Variants in MALT1 observed in about 807,000 individuals in gnomAD.
MALT1 encodes the protein MALT1 paracaspase.
In MALT1, 36 loss-of-function variants were observed where a neutral mutation model predicts 85.5. The ratio of observed to expected loss-of-function variants is 0.42; its 90% confidence interval spans 0.32 to 0.56. The LOEUF (loss-of-function observed/expected upper bound fraction) is 0.56. Among genes scored for constraint, MALT1 ranks in the 20% least tolerant of loss-of-function variants. The probability of loss-of-function intolerance (pLI) is 0.10; values close to 1 mark genes in which losing one functional copy is unlikely to be tolerated. For synonymous variants in MALT1, 359 were observed against 361.3 expected (o/e 0.99, Z 0.07); for missense variants, 716 against 981.6 (o/e 0.73, Z 3.62).
intron 2 of MALT1, among the ~76,000 whole-genome samples, chr18:58,689,008 C>T (rs1260050600): frequency 3.3e-5 from 5 of 151,924 alleles, no homozygotes; most frequent in African/African-American, 7.3e-5. Context: ...AAAAATTAGC[C>T]GGGTATGGTG....
chr18:58,696,892 G>A (rs796137640), intron 3 of MALT1, among the ~76,000 whole-genome samples: 24 of 152,320 alleles, frequency 1.6e-4, no homozygotes, highest in Non-Finnish European at 3.2e-4. Flanking sequence ...CCACATCACT[G>A]TTTTATCTGT....
intron 2 of MALT1, among the ~76,000 whole-genome samples, chr18:58,696,102 G>A (rs2144350820): frequency 6.6e-6 from 1 of 152,172 alleles, no homozygotes; most frequent in Middle Eastern, 3.4e-3. Context: ...GAAGAAATAT[G>A]GTAAATAATT....
At chr18:58,737,208 A>G (rs1006363735) in intron 13 of MALT1, among the ~76,000 whole-genome samples, 1 of 152,062 alleles carries the variant, frequency 6.6e-6, no homozygotes, top group Non-Finnish European at 1.5e-5. Flanking sequence ...GGCCAGGTAC[A>G]GTGGCTCATG....
chr18:58,739,992 T>C (rs558432423), intron 13 of MALT1, among the ~76,000 whole-genome samples: 2 of 152,352 alleles, frequency 1.3e-5, no homozygotes, highest in East Asian at 3.9e-4. Flanking sequence ...CTGGGATTGG[T>C]ATTTTTTTGG....
chr18:58,725,437 A>C (rs556971499), intron 10 of MALT1, among the ~76,000 whole-genome samples: 2 of 152,316 alleles, frequency 1.3e-5, no homozygotes, highest in African/African-American at 4.8e-5. Context: ...GAAAAAAAAA[A>C]TCTGAAACAC....
At chr18:58,707,248 T>C (rs2054764714) in intron 4 of MALT1, among the ~76,000 whole-genome samples, 1 of 152,106 alleles carries the variant, frequency 6.6e-6, no homozygotes, top group Non-Finnish European at 1.5e-5. Flanking sequence ...CCATCTTCTG[T>C]GCAAGTTGAT....
rs1450893596 is a variant in MALT1, at chr18:58,750,262, C to A, written c.*2420C>A. ...CCAACACGTTTAAAGAAATTAAGAT[C>A]CAGATAAATGGAAAGACATCCATGT... On this transcript the variant is annotated 3_prime_UTR_variant, in exon 17 of 17. Coordinates refer to ENST00000649217, the MANE Select transcript of MALT1 (RefSeq NM_006785.4). 6.1e-6 allele frequency: 1 copy of A among 165,196 alleles called. No individual in the cohort carries two copies. The highest frequency in any genetic ancestry group is 1.3e-5 in the Non-Finnish European group (1 of 75,550). 10.2% of individuals were successfully genotyped at this position (165,196 alleles called of 1,614,324 possible).
chr18:58,745,703 C>T lies in MALT1; in HGVS notation c.1949C>T (p.Thr650Ile), dbSNP rs899990095. Reference sequence around the variant, plus strand: ...GATCCAAAAGATGCAAATAAAGGCACACCTGAAGAAACTGGCAGCTACTTG... The same window carrying T: ...GATCCAAAAGATGCAAATAAAGGCATACCTGAAGAAACTGGCAGCTACTTG... ...DIDPKDANKG[T>I]PEETGSYLVS... The change falls in exon 16 of 17, where the codon ACA becomes ATA. Residue 650 changes from threonine (T) to isoleucine (I), a missense_variant. Physicochemically the swap from Thr to Ile is moderately conservative, Grantham distance 89 (BLOSUM62 -1). Around this residue, in one of 4 missense-constraint regions of MALT1, gnomAD observed 260 missense variants for 323.7 expected, o/e 0.80. Coordinates refer to ENST00000649217, the MANE Select transcript of MALT1 (RefSeq NM_006785.4). The T allele has an allele frequency of 6.2e-7, 1 of 1,613,364 alleles. No individual in the cohort carries two copies. The highest frequency in any genetic ancestry group is 8.5e-7 in the Non-Finnish European group (1 of 1,179,518).
intron 4 of MALT1, among the ~76,000 whole-genome samples, chr18:58,708,493 C>T (rs1004105094): frequency 7.2e-5 from 11 of 152,200 alleles, no homozygotes; most frequent in African/African-American, 1.7e-4. Flanking sequence ...AAACATTCAG[C>T]TGGCTTACCC....
chr18:58,672,017 C>T (rs1052066663), intron 1 of MALT1, 165 bp downstream of exon 1: 1 of 422,096 alleles, frequency 2.4e-6, no homozygotes, highest in Admixed American at 4.7e-5. Context: ...AACTCAGCAG[C>T]TCCCCGGAAC....
At chr18:58,695,102 G>A (rs371010490) in intron 2 of MALT1, among the ~76,000 whole-genome samples, 23 of 152,270 alleles carry the variant, frequency 1.5e-4, no homozygotes, top group South Asian at 4.2e-4. Context: ...CCTTCTTCTC[G>A]TTTGTCTGCC....
intron 1 of MALT1, among the ~76,000 whole-genome samples, chr18:58,674,715 T>C (rs1219903573): frequency 1.3e-5 from 2 of 152,174 alleles, no homozygotes; most frequent in Admixed American, 1.3e-4. Flanking sequence ...AAAGGTATTT[T>C]TTCTCTGGTG....
At position 58,674,463 on chromosome 18, in the gene MALT1, A is replaced by G. The variant is rs541685211; in HGVS notation, c.209+2611A>G. On this transcript the variant is annotated intron_variant, in intron 1 of 16. Transcript: ENST00000649217. ...AGTTTCACCTGTCTTTCAAGATGGT[A>G]AAGATTAGTTTTGAGGAGGTTGGCT... Among the ~76,000 whole-genome samples, 8 of 152,244 alleles carry G rather than the reference A, an allele frequency of 5.3e-5. No homozygotes were observed. In the South Asian group the frequency reaches 1.2e-3, roughly 24 times the overall value.
intron 10 of MALT1, among the ~76,000 whole-genome samples, chr18:58,725,862 A>T (rs542076260): frequency 6.6e-6 from 1 of 152,270 alleles, no homozygotes; most frequent in African/African-American, 2.4e-5. Flanking sequence ...GGAGTTCGAG[A>T]CCAGCCTGGC....
At chr18:58,743,902 A>G (rs1449655692) in intron 14 of MALT1, among the ~76,000 whole-genome samples, 1 of 152,158 alleles carries the variant, frequency 6.6e-6, no homozygotes, top group East Asian at 1.9e-4. Flanking sequence ...TATCTATCTT[A>G]AAGCATTACG....
intron 2 of MALT1, among the ~76,000 whole-genome samples, chr18:58,683,856 T>A (rs759999920): frequency 2.0e-5 from 3 of 152,214 alleles, no homozygotes; most frequent in Non-Finnish European, 4.4e-5. Context: ...GAAAGCAGTT[T>A]ATTTTTTTCT....
At chr18:58,680,695 A>G (rs896280619) in intron 1 of MALT1, among the ~76,000 whole-genome samples, 13 of 152,210 alleles carry the variant, frequency 8.5e-5, no homozygotes, top group African/African-American at 3.1e-4. Flanking sequence ...AGGCCGAGGC[A>G]GGTGGATCAT....
intron 10 of MALT1, among the ~76,000 whole-genome samples, chr18:58,727,616 G>GTGTTTTTTTTTTTT (rs2055077198): frequency 5.8e-5 from 7 of 121,262 alleles, no homozygotes; most frequent in African/African-American, 2.3e-4. Context: ...GGTTTTTTGT[G>GTGTTTTTTTTTTTT]TTTTTTTTTT....
At chr18:58,740,593 A>C (rs993141349) in intron 13 of MALT1, among the ~76,000 whole-genome samples, 1 of 150,046 alleles carries the variant, frequency 6.7e-6, no homozygotes, top group Non-Finnish European at 1.5e-5. Context: ...TTTGCTTTTT[A>C]TTTCTACCTT....
Sources: gnomAD v4.1 joint callset for allele counts (sites outside exome capture counted in the v4.1 genomes callset) on GRCh38, gnomAD v4.1.1 for gene constraint, gnomAD v4.1.1 regional missense constraint, MANE v1.5 for transcripts, NCBI Gene and HGNC (gene_info 2026-07-23, HGNC 2026-07-21) for gene names.